The following PIWIL3 variants were observed in gnomAD, a reference collection of about 807,000 sequenced individuals.
PIWIL3 encodes the protein piwi-like protein 3.
A neutral mutation model predicts 109.7 loss-of-function variants in PIWIL3; 101 were observed. That is an observed-to-expected ratio of 0.92 (90% confidence interval 0.78 to 1.09). PIWIL3 has a LOEUF of 1.09. Ranked by LOEUF, PIWIL3 falls within the 50% of genes least tolerant of loss-of-function variation. The probability of loss-of-function intolerance (pLI) is 0.00; values close to 1 mark genes in which losing one functional copy is unlikely to be tolerated. For missense variants in PIWIL3, 1,031 were observed against 1,072.6 expected (o/e 0.96, Z 0.54); for synonymous variants, 373 against 376.4 (o/e 0.99, Z 0.10).
intron 12 of PIWIL3, among the ~76,000 whole-genome samples, chr22:24,738,154 A>C (rs1245089181): frequency 6.6e-6 from 1 of 152,162 alleles, no homozygotes; most frequent in African/African-American, 2.4e-5. Context: ...GTCTCAAAAA[A>C]AGAAAGAAAA....
intron 12 of PIWIL3, among the ~76,000 whole-genome samples, chr22:24,745,263 G>A (rs564643051): frequency 6.6e-6 from 1 of 152,246 alleles, no homozygotes; most frequent in East Asian, 1.9e-4. Context: ...TACATCAAAA[G>A]AGCAAAACTT....
intron 8 of PIWIL3, among the ~76,000 whole-genome samples, chr22:24,751,899 G>C (rs1284657474): frequency 6.6e-6 from 1 of 152,216 alleles, no homozygotes; most frequent in African/African-American, 2.4e-5. Flanking sequence ...CCATGCTGTA[G>C]TAAGTCTTGG....
intron 16 of PIWIL3, among the ~76,000 whole-genome samples, chr22:24,725,929 A>G (rs1922968611): frequency 6.6e-6 from 1 of 152,104 alleles, no homozygotes; most frequent in Non-Finnish European, 1.5e-5. Flanking sequence ...AGCTGTTGAC[A>G]CAACTTCAAC....
Position 24,759,985 on chromosome 22 carries a change from TGG to T in PIWIL3, c.105_106del (p.Gln36GlyfsTer20). ...TGTCGACTGCAACTGAGGGGGCTCC[TGG>T]GTCTGCATGTTTTTGGAAATAGAAA... On this transcript the variant is annotated frameshift_variant and splice_region_variant, in exon 3 of 21. Transcript: ENST00000616349. LOFTEE classifies it high-confidence loss of function. 6.2e-7 allele frequency: 1 copy of T among 1,614,024 alleles called. No homozygotes were observed. The highest frequency in any genetic ancestry group is 8.5e-7 in the Non-Finnish European group (1 of 1,180,016).
At chr22:24,721,046 C>A (rs894380703) in intron 19 of PIWIL3, among the ~76,000 whole-genome samples, 5 of 152,154 alleles carry the variant, frequency 3.3e-5, no homozygotes, top group Non-Finnish European at 5.9e-5. Context: ...TTCATTCTCT[C>A]TTAACTGTTT....
chr22:24,746,019 C>A (rs1416629658), intron 12 of PIWIL3, among the ~76,000 whole-genome samples: 1 of 152,094 alleles, frequency 6.6e-6, no homozygotes, highest in Non-Finnish European at 1.5e-5. Context: ...CTGAATTCTG[C>A]CAAACATTTA....
intron 19 of PIWIL3, 42 bp downstream of exon 19, chr22:24,723,088 A>C: frequency 6.9e-6 from 11 of 1,586,126 alleles, no homozygotes; most frequent in Non-Finnish European, 9.5e-6. Flanking sequence ...AAGGAAATTG[A>C]GAAAATCATA....
intron 12 of PIWIL3, among the ~76,000 whole-genome samples, chr22:24,740,934 A>C (rs935852526): frequency 1.4e-4 from 21 of 152,224 alleles, no homozygotes; most frequent in Non-Finnish European, 2.9e-5. Flanking sequence ...CCCTAATACC[A>C]AAACCAAGAA....
intron 12 of PIWIL3, among the ~76,000 whole-genome samples, chr22:24,741,285 T>TG (rs1923992116): frequency 6.6e-6 from 1 of 151,968 alleles, no homozygotes; most frequent in Non-Finnish European, 1.5e-5. Context: ...GAGGCAGAGG[T>TG]GGGCCAATCA....
At chr22:24,774,121 CT>C (rs887539394) in intron 1 of PIWIL3, among the ~76,000 whole-genome samples, 200 bp downstream of exon 1, 27 of 152,298 alleles carry the variant, frequency 1.8e-4, no homozygotes, top group African/African-American at 4.6e-4. Context: ...CATTTTAAAA[CT>C]TTTTTTCCTT....
At position 24,725,000 on chromosome 22, in the gene PIWIL3, C is replaced by T. The variant is rs1922909003; in HGVS notation, c.2118G>A (p.Met706Ile). Residue 706 changes from methionine to isoleucine, a missense_variant, in exon 18 of 21, where the codon ATG becomes ATA. Physicochemically the swap from Met to Ile is conservative, Grantham distance 10 (BLOSUM62 1). Transcript: ENST00000616349. ...CCCGATACACAATAACAGAATGTGG[C>T]ATCGATGATTCGTTTTTACACCAGA... ...LDVWCKNESSMPHSVIVYRDG... is the reference protein window; with the variant it reads ...LDVWCKNESSIPHSVIVYRDG... The T allele has an allele frequency of 3.1e-6, 5 of 1,614,062 alleles. No homozygotes were observed. The South Asian group carries it at 4.4e-5, about 14-fold the overall frequency.
chr22:24,720,312 C>A (rs1051720945), intron 19 of PIWIL3, among the ~76,000 whole-genome samples: 3 of 142,384 alleles, frequency 2.1e-5, no homozygotes, highest in African/African-American at 8.2e-5. Flanking sequence ...GGCTCTGTCG[C>A]CCAGGCTGGA....
chr22:24,757,843 GAAAA>G (rs61691049), intron 4 of PIWIL3, 61 bp downstream of exon 4: 2,221 of 1,318,116 alleles, frequency 1.7e-3, no homozygotes, highest in East Asian at 4.3e-3. Context: ...GTCTCTCAAT[GAAAA>G]AAAAAAAAAA....
chr22:24,760,802 A>AAAT (rs1569110985), intron 2 of PIWIL3, among the ~76,000 whole-genome samples: 1 of 149,334 alleles, frequency 6.7e-6, no homozygotes. Flanking sequence ...AAAAAAAAAA[A>AAAT]AGCTGTGACA....
intron 12 of PIWIL3, among the ~76,000 whole-genome samples, chr22:24,744,319 T>A (rs1194583475): frequency 6.7e-6 from 1 of 149,554 alleles, no homozygotes; most frequent in African/African-American, 2.5e-5. Flanking sequence ...ATGCCTGTAA[T>A]CCCAGCACTT....
rs748262913 is a variant in PIWIL3 at position 24,725,012 on chromosome 22, G to A, written c.2106C>T (p.Asn702=). Residue 702 remains asparagine (N), a synonymous_variant, in exon 18 of 21, where the codon AAC becomes AAT. Coordinates refer to ENST00000616349, the MANE Select transcript of PIWIL3 (RefSeq NM_001255975.1). ...LKAALDVWCK[N]ESSMPHSVIV... ...TAACAGAATGTGGCATCGATGATTCGTTTTTACACCAGACATCCAGGGCAG... is the reference window on the plus strand; with the variant it reads ...TAACAGAATGTGGCATCGATGATTCATTTTTACACCAGACATCCAGGGCAG... 6.1e-5 allele frequency: 99 copies of A among 1,614,010 alleles called. No individual in the cohort carries two copies. The highest frequency in any genetic ancestry group is 4.3e-5 in the Non-Finnish European group (51 of 1,180,026).
chr22:24,752,439 G>T (rs188575882), intron 8 of PIWIL3, among the ~76,000 whole-genome samples: 1 of 152,024 alleles, frequency 6.6e-6, no homozygotes, highest in East Asian at 1.9e-4. Context: ...CAGCCTCTTC[G>T]CAGGCTATGT....
chr22:24,755,701 T>TA, intron 6 of PIWIL3, 83 bp downstream of exon 6: 1 of 1,544,390 alleles, frequency 6.5e-7, no homozygotes, highest in Non-Finnish European at 8.9e-7. Flanking sequence ...CACTAAGTGC[T>TA]AGAAGCAAAT....
intron 3 of PIWIL3, 63 bp downstream of exon 3, chr22:24,759,806 C>G: frequency 6.2e-7 from 1 of 1,609,128 alleles, no homozygotes; most frequent in Non-Finnish European, 8.5e-7. Context: ...CCTTCTACCG[C>G]TGTGGTAGCC....
Sources: gnomAD v4.1 joint callset for allele counts (sites outside exome capture counted in the v4.1 genomes callset) on GRCh38, gnomAD v4.1.1 for gene constraint, MANE v1.5 for transcripts, NCBI Gene and HGNC (gene_info 2026-07-23, HGNC 2026-07-21) for gene names.